The following CERS4 variants were observed in gnomAD, a reference collection of about 807,000 sequenced individuals.
CERS4 encodes the protein ceramide synthase 4.
In CERS4, 65 loss-of-function variants were observed where a neutral mutation model predicts 51.8. The observed-to-expected ratio is 1.26, with a 90% CI of 1.03 to 1.54. CERS4 has a LOEUF of 1.54. Among genes scored for constraint, CERS4 ranks in the 40% most tolerant of loss-of-function variants. CERS4 has a pLI of 0.00. For synonymous variants in CERS4, 228 were observed against 208.4 expected (o/e 1.09, Z -0.81); for missense variants, 563 against 500.4 (o/e 1.13, Z -1.19).
Position 8,257,908 on chromosome 19 carries a change from T to G in CERS4, c.771T>G (p.Tyr257Ter), listed in dbSNP as rs145022401. The G allele has an allele frequency of 1.2e-6, 2 of 1,613,924 alleles. No homozygotes were observed. Among genetic ancestry groups the G allele is most frequent in the African/African-American group, 2.7e-5 (2 of 74,924 alleles). The change falls in exon 10 of 12, where the codon TAT becomes TAG. Residue 257 changes from tyrosine to a stop codon, truncating the protein, a stop_gained. Transcript: ENST00000251363. LOFTEE classifies it high-confidence loss of function. ...GTAAGATGGTCAACTACATGCAGTATCAGCAAGTGTGCGACGCTCTCTTCC... is the reference window on the plus strand; with the variant it reads ...GTAAGATGGTCAACTACATGCAGTAGCAGCAAGTGTGCGACGCTCTCTTCC... ...EACKMVNYMQ[Y>*]QQVCDALFLI...
At position 8,256,420 on chromosome 19, in the gene CERS4, T is replaced by TG. The variant is rs1224225708; in HGVS notation, c.519+138dup. On this transcript the variant is annotated intron_variant, in intron 7 of 11. Coordinates refer to ENST00000251363, the MANE Select transcript of CERS4 (RefSeq NM_024552.3). ...TGAGTCCCACGCTCTTTGATTCCTC[T>TG]GGGGAATAGAGAGGGGCCAGAAAAC... The TG allele has an allele frequency of 7.3e-6, 8 of 1,098,610 alleles. No individual in the cohort carries two copies. The African/African-American group carries it at 7.5e-5, about 10-fold the overall frequency. 68.1% of individuals were successfully genotyped at this position (1,098,610 alleles called of 1,614,324 possible). A position where few individuals can be genotyped will look rare whatever the true frequency, so the allele number is the denominator to read the frequency against.
In CERS4 at chr19:8,251,167, C is replaced by T. The variant is rs151158244; in HGVS notation, c.91C>T (p.Arg31Cys). 99 of 1,613,598 alleles carry T rather than the reference C, an allele frequency of 6.1e-5. No individual in the cohort carries two copies. In the Middle Eastern group the frequency reaches 6.6e-4, roughly 11 times the overall value. Residue 31 changes from arginine (R) to cysteine (C), a missense_variant, in exon 3 of 12, where the codon CGT (arginine) becomes TGT (cysteine). Arg to Cys is a radical substitution (Grantham distance 180). Coordinates refer to ENST00000251363, the MANE Select transcript of CERS4 (RefSeq NM_024552.3). ...GACAGAGCTAGAAGACCGGGATGGC[C>T]GTGTCTACCCCCACCCCCAGGACTT... ...TWTELEDRDG[R>C]VYPHPQDLLA...
chr19:8,247,156 A>G (rs1459037897), intron 2 of CERS4, among the ~76,000 whole-genome samples: 3 of 151,954 alleles, frequency 2.0e-5, no homozygotes, highest in Non-Finnish European at 4.4e-5. Flanking sequence ...GCAGAGTGAG[A>G]CTCCATCTCA....
chr19:8,242,138 C>T (rs57389860), intron 2 of CERS4, among the ~76,000 whole-genome samples: 1,578 of 152,232 alleles, frequency 0.01, 33 homozygotes, highest in African/African-American at 0.034. Context: ...CAACAGGTGA[C>T]GAAATTGAGG....
rs1415816377 is a variant in CERS4 at position 8,255,834 on chromosome 19, C to T, written c.423C>T (p.Leu141=). The T allele has an allele frequency of 6.2e-7, 1 of 1,614,010 alleles. No individual in the cohort carries two copies. The highest frequency in any genetic ancestry group is 8.5e-7 in the Non-Finnish European group (1 of 1,180,032). ...TCCCCATCCACAGCTGGAGGTTTCTCTTCTACCTGTCCTCCTTCGTGGGCG... is the reference window on the plus strand; with the variant it reads ...TCCCCATCCACAGCTGGAGGTTTCTTTTCTACCTGTCCTCCTTCGTGGGCG... ...KKFCEASWRF[L]FYLSSFVGGL... The change falls in exon 6 of 12, where the codon CTC becomes CTT. Residue 141 remains leucine (L), a synonymous_variant. Transcript: ENST00000251363.
intron 3 of CERS4, among the ~76,000 whole-genome samples, chr19:8,254,108 G>A (rs1356132140): frequency 6.6e-6 from 1 of 151,830 alleles, no homozygotes; most frequent in African/African-American, 2.4e-5. Context: ...AGATCACGAG[G>A]TCAGGAGATC....
chr19:8,254,882 C>CG (rs1212833057), intron 4 of CERS4, among the ~76,000 whole-genome samples: 1 of 151,964 alleles, frequency 6.6e-6, no homozygotes, highest in Non-Finnish European at 1.5e-5. Flanking sequence ...AGGACCCCCC[C>CG]CTTCCCAGCC....
At chr19:8,236,039 C>CA (rs1411897953) in intron 2 of CERS4, among the ~76,000 whole-genome samples, 3 of 151,970 alleles carry the variant, frequency 2.0e-5, no homozygotes, top group African/African-American at 7.2e-5. Context: ...ACCAAAAATA[C>CA]AAAAAAATTA....
At chr19:8,227,005 G>A (rs1967814933) in intron 2 of CERS4, among the ~76,000 whole-genome samples, 1 of 152,268 alleles carries the variant, frequency 6.6e-6, no homozygotes, top group Non-Finnish European at 1.5e-5. Flanking sequence ...GTGCATGCCT[G>A]TAGTCCCAGC....
chr19:8,233,807 GT>G (rs775110420), intron 2 of CERS4, among the ~76,000 whole-genome samples: 65 of 151,344 alleles, frequency 4.3e-4, no homozygotes, highest in Non-Finnish European at 5.7e-4. Flanking sequence ...GATTCCAAGA[GT>G]TTGAGACCAA....
At chr19:8,214,122 C>A (rs892641843) in intron 2 of CERS4, among the ~76,000 whole-genome samples, 1 of 151,998 alleles carries the variant, frequency 6.6e-6, no homozygotes, top group African/African-American at 2.4e-5. Context: ...CTACCCCCTC[C>A]TGGACTCCCA....
chr19:8,249,436 C>T (rs928393050), intron 2 of CERS4, among the ~76,000 whole-genome samples: 5 of 151,872 alleles, frequency 3.3e-5, no homozygotes, highest in South Asian at 2.1e-4. Flanking sequence ...TGCCCCACCT[C>T]GACCGCCACT....
At chr19:8,248,339 AAC>A (rs1968881239) in intron 2 of CERS4, among the ~76,000 whole-genome samples, 1 of 152,146 alleles carries the variant, frequency 6.6e-6, no homozygotes, top group South Asian at 2.1e-4. Flanking sequence ...GGATAGATGC[AAC>A]GACAGATGGA....
chr19:8,224,272 TG>T (rs1967690555), intron 2 of CERS4, among the ~76,000 whole-genome samples: 4 of 151,518 alleles, frequency 2.6e-5, no homozygotes, highest in Non-Finnish European at 1.5e-5. Flanking sequence ...CCGGGTGTGG[TG>T]GCACGCGCTT....
At chr19:8,255,767 C>T (rs778871154) in intron 5 of CERS4, 42 bp downstream of exon 5, 18 of 874,498 alleles carry the variant, frequency 2.1e-5, no homozygotes, top group East Asian at 4.8e-5. Flanking sequence ...GGAAGCGGGC[C>T]GGGGTGGGGC....
At chr19:8,209,672 C>T (rs1033590208) in intron 1 of CERS4, 178 bp downstream of exon 1, 8 of 152,526 alleles carry the variant, frequency 5.2e-5, no homozygotes, top group African/African-American at 1.9e-4. Context: ...GCCGTCTCCC[C>T]GAGCTATCCG....
chr19:8,248,369 G>A (rs1968882768), intron 2 of CERS4, among the ~76,000 whole-genome samples: 1 of 152,196 alleles, frequency 6.6e-6, no homozygotes, highest in South Asian at 2.1e-4. Context: ...ATGGATGGAA[G>A]GGGAAATGGA....
At chr19:8,250,944 T>G (rs967102020) in intron 2 of CERS4, 132 bp from the exon 3 acceptor site, 1 of 1,468,954 alleles carries the variant, frequency 6.8e-7, no homozygotes, top group Non-Finnish European at 9.0e-7. Flanking sequence ...CATCTTCCAG[T>G]CCTGCCTCCT....
intron 2 of CERS4, chr19:8,240,691 T>G (rs1032243334): frequency 2.0e-5 from 3 of 151,908 alleles, no homozygotes; most frequent in African/African-American, 7.3e-5. Context: ...AGTCCTGTAT[T>G]TCCAGCTAGA....
Sources: allele counts gnomAD v4.1 joint callset (sites outside exome capture counted in the v4.1 genomes callset), GRCh38; gene constraint gnomAD v4.1.1; transcripts MANE v1.5; gene names NCBI Gene and HGNC (gene_info 2026-07-23, HGNC 2026-07-21).